Variants in ERP44 observed in about 807,000 individuals in gnomAD.
The protein encoded by ERP44 is endoplasmic reticulum protein 44.
A neutral mutation model predicts 53.4 loss-of-function variants in ERP44; 25 were observed. The observed-to-expected ratio is 0.47, with a 90% CI of 0.34 to 0.65. The LOEUF is 0.65. ERP44 is among the 30% of genes least tolerant of loss of function. The probability of loss-of-function intolerance (pLI) is 0.01; values close to 1 mark genes in which losing one functional copy is unlikely to be tolerated. For missense variants in ERP44, 338 were observed against 493.2 expected, an observed-to-expected ratio of 0.69 and a Z score of 2.98; for synonymous variants, 145 against 161.2, an observed-to-expected ratio of 0.90 and a Z score of 0.76.
chr9:100,052,453 G>C lies in ERP44; in HGVS notation c.250C>G (p.Gln84Glu). 1.2e-6 allele frequency: 2 copies of C among 1,612,224 alleles called. No homozygotes were observed. The highest frequency in any genetic ancestry group is 1.7e-6 in the Non-Finnish European group (2 of 1,179,074). Residue 84 changes from glutamine to glutamate, a missense_variant, in exon 4 of 12, where the codon CAA becomes GAA. Gln to Glu is a conservative substitution (Grantham distance 29, BLOSUM62 2). This residue lies in a region of ERP44 where 224 missense variants were observed against 301.4 expected (regional missense o/e 0.74). Coordinates refer to ENST00000262455, the MANE Select transcript of ERP44 (RefSeq NM_015051.3). ...VIKEEFPNEN[Q>E]VVFARVDCDQ... is the part of the protein sequence containing the mutation. ...CAATCAACTCTGGCAAACACTACTTGATTTTCATTTGGAAATTCTTCCTTA... is the reference window on the plus strand; with the variant it reads ...CAATCAACTCTGGCAAACACTACTTCATTTTCATTTGGAAATTCTTCCTTA...
chr9:100,034,729 A>G (rs757008430), intron 4 of ERP44, among the ~76,000 whole-genome samples: 1 of 152,222 alleles, frequency 6.6e-6, no homozygotes, highest in Non-Finnish European at 1.5e-5. Context: ...AAACTATTGT[A>G]AATTCATACA....
At chr9:100,018,571 T>G (rs1830550874) in intron 6 of ERP44, among the ~76,000 whole-genome samples, 1 of 152,124 alleles carries the variant, frequency 6.6e-6, no homozygotes, top group South Asian at 2.1e-4. Flanking sequence ...CCCAGACTGT[T>G]TTCCGGCAAC....
chr9:100,005,703 A>G (rs1259865563), intron 10 of ERP44, among the ~76,000 whole-genome samples: 1 of 152,214 alleles, frequency 6.6e-6, no homozygotes. Context: ...TCTACCAAAC[A>G]ACCACATCTC....
intron 8 of ERP44, among the ~76,000 whole-genome samples, chr9:100,015,969 G>C (rs1830521558): frequency 6.6e-6 from 1 of 152,140 alleles, no homozygotes; most frequent in Non-Finnish European, 1.5e-5. Context: ...GCAGGCCGTG[G>C]ACTGATACAG....
intron 1 of ERP44, among the ~76,000 whole-genome samples, chr9:100,074,674 T>C (rs1188978565): frequency 2.0e-5 from 3 of 152,208 alleles, no homozygotes; most frequent in Non-Finnish European, 2.9e-5. Context: ...AGGAGACCTC[T>C]GGCCTTTTAC....
At chr9:100,027,449 T>A (rs1830665141) in intron 4 of ERP44, among the ~76,000 whole-genome samples, 1 of 152,300 alleles carries the variant, frequency 6.6e-6, no homozygotes, top group East Asian at 1.9e-4. Context: ...CTTTTTTTTT[T>A]ATTTTACAAG....
chr9:100,097,029 A>G (rs893317190), intron 1 of ERP44, among the ~76,000 whole-genome samples: 1 of 152,096 alleles, frequency 6.6e-6, no homozygotes, highest in Non-Finnish European at 1.5e-5. Context: ...TCTAGTTTAA[A>G]CCTTTTCTGG....
At chr9:100,079,950 A>C (rs962375503) in intron 1 of ERP44, among the ~76,000 whole-genome samples, 2 of 152,178 alleles carry the variant, frequency 1.3e-5, no homozygotes, top group Non-Finnish European at 2.9e-5. Context: ...AAACAAAAAA[A>C]AAAAAAACAG....
chr9:100,060,279 T>A lies in ERP44; in HGVS notation c.58-107A>T, dbSNP rs544300116. 4.4e-6 allele frequency: 5 copies of A among 1,147,404 alleles called. No homozygotes were observed. The African/African-American group carries it at 6.5e-5, about 15-fold the overall frequency. The allele number at this position is 1,147,404 out of a possible 1,614,324, so 71.1% of individuals were successfully genotyped here. A position where few individuals can be genotyped will look rare whatever the true frequency, so the allele number is the denominator to read the frequency against. ...TGATTCCACTTGTTCCTTAGAAAATTATACATCAATTGAATTGAATCTTTA... is the reference window on the plus strand; with the variant it reads ...TGATTCCACTTGTTCCTTAGAAAATAATACATCAATTGAATTGAATCTTTA... On this transcript the variant is annotated intron_variant, in intron 1 of 11. Transcript: ENST00000262455.
intron 10 of ERP44, among the ~76,000 whole-genome samples, chr9:99,992,468 C>G (rs921236098): frequency 1.3e-5 from 2 of 152,130 alleles, no homozygotes; most frequent in East Asian, 1.9e-4. Flanking sequence ...ATTCAACAGC[C>G]CTTCATGCTA....
rs117899699 is a variant in ERP44 at position 100,004,901 on chromosome 9, A to T, written c.1016+1605T>A. The stretch of plus-strand genomic sequence containing the variant: ...TTCATAATCAACTCTTGACTAGATT[A>T]CTGAACAGTCTCCTAGATTTTATTT... On this transcript the variant is annotated intron_variant, in intron 10 of 11. Coordinates refer to ENST00000262455, the MANE Select transcript of ERP44 (RefSeq NM_015051.3). Among the ~76,000 whole-genome samples, 992 of 152,342 alleles carry T rather than the reference A, an allele frequency of 6.5e-3. 12 individuals are homozygous for T. The highest frequency in any genetic ancestry group is 0.011 in the Non-Finnish European group (781 of 68,032).
intron 1 of ERP44, among the ~76,000 whole-genome samples, chr9:100,068,410 G>A (rs1180583571): frequency 1.1e-4 from 5 of 46,854 alleles, no homozygotes; most frequent in Non-Finnish European, 2.4e-4. Flanking sequence ...CCGGCCAGCC[G>A]CCGGGCCAGC....
At chr9:100,089,087 G>C (rs777852313) in intron 1 of ERP44, among the ~76,000 whole-genome samples, 6 of 152,160 alleles carry the variant, frequency 3.9e-5, no homozygotes, top group Non-Finnish European at 8.8e-5. Context: ...TCTAAGTAGT[G>C]TGATGAAGTC....
chr9:100,045,662 G>A (rs1228003805), intron 4 of ERP44, among the ~76,000 whole-genome samples: 1 of 152,130 alleles, frequency 6.6e-6, no homozygotes, highest in African/African-American at 2.4e-5. Context: ...AGGTCTCAGT[G>A]AAGCAGTGAG....
At chr9:100,015,605 G>C (rs749043494) in intron 8 of ERP44, among the ~76,000 whole-genome samples, 6 of 152,170 alleles carry the variant, frequency 3.9e-5, no homozygotes, top group Non-Finnish European at 8.8e-5. Flanking sequence ...ACAAAAAACA[G>C]AAAAATCTTC....
At chr9:100,091,906 T>C (rs7849323) in intron 1 of ERP44, among the ~76,000 whole-genome samples, 31,571 of 152,116 alleles carry the variant, frequency 0.21, 5,564 homozygotes, top group African/African-American at 0.48. Context: ...GCAGGATCTA[T>C]AACCCACTTC....
chr9:100,084,093 C>G (rs557506399), intron 1 of ERP44, among the ~76,000 whole-genome samples: 26 of 152,246 alleles, frequency 1.7e-4, no homozygotes, highest in African/African-American at 5.1e-4. Context: ...GAAATGCTCT[C>G]AGAGTCTTAC....
At chr9:100,012,521 C>A (rs574261975) in intron 8 of ERP44, among the ~76,000 whole-genome samples, 2 of 152,242 alleles carry the variant, frequency 1.3e-5, no homozygotes, top group Admixed American at 1.3e-4. Flanking sequence ...TTGCAATGAT[C>A]TGTCCAAGCA....
intron 1 of ERP44, among the ~76,000 whole-genome samples, chr9:100,089,335 C>T (rs1826522470): frequency 6.6e-6 from 1 of 152,140 alleles, no homozygotes; most frequent in Non-Finnish European, 1.5e-5. Flanking sequence ...AATCCCAGCA[C>T]TTTGGAGGGC....
Sources: allele counts gnomAD v4.1 joint callset (sites outside exome capture counted in the v4.1 genomes callset), GRCh38; gene constraint gnomAD v4.1.1; regional missense constraint gnomAD v4.1.1; transcripts MANE v1.5; gene names NCBI Gene and HGNC (gene_info 2026-07-23, HGNC 2026-07-21).